ADIPOR2: variants seen among roughly 807,000 people sequenced by gnomAD.
The protein encoded by ADIPOR2 is adiponectin receptor 2.
Under a neutral mutation model 40.9 loss-of-function variants are expected in ADIPOR2, and 18 were observed. The observed-to-expected ratio is 0.44, with a 90% CI of 0.30 to 0.65. The LOEUF is 0.65. Ranked by LOEUF, ADIPOR2 falls within the 30% of genes least tolerant of loss-of-function variation. The pLI, the probability that ADIPOR2 is intolerant of heterozygous loss-of-function variation, is 0.09. For missense variants in ADIPOR2, 283 were observed against 479.2 expected (o/e 0.59, Z 3.82); for synonymous variants, 165 against 166.4 (o/e 0.99, Z 0.06).
intron 1 of ADIPOR2, among the ~76,000 whole-genome samples, chr12:1,693,666 T>A (rs1285652669): frequency 9.9e-5 from 15 of 152,252 alleles, no homozygotes; most frequent in Admixed American, 9.2e-4. Flanking sequence ...CCCTAGTAGC[T>A]GGGATTACAG....
intron 1 of ADIPOR2, among the ~76,000 whole-genome samples, chr12:1,695,165 G>A (rs1015741928): frequency 4.6e-5 from 7 of 151,960 alleles, no homozygotes; most frequent in Non-Finnish European, 8.8e-5. Flanking sequence ...ACAGACATGA[G>A]CCACTGCACT....
intron 1 of ADIPOR2, among the ~76,000 whole-genome samples, chr12:1,693,436 CT>C (rs1197871564): frequency 6.6e-6 from 1 of 150,866 alleles, no homozygotes; most frequent in Non-Finnish European, 1.5e-5. Context: ...CCACTTGGGG[CT>C]TTTTTTCTGT....
chr12:1,696,120 C>T (rs1007320359), intron 1 of ADIPOR2: 1 of 155,810 alleles, frequency 6.4e-6, no homozygotes, highest in Non-Finnish European at 1.5e-5. Flanking sequence ...AAATTACTTG[C>T]TCCTTATCAC....
intron 1 of ADIPOR2, chr12:1,697,502 G>A (rs1017667492): frequency 6.5e-6 from 1 of 153,032 alleles, no homozygotes; most frequent in African/African-American, 2.4e-5. Flanking sequence ...GTAGAGTTCA[G>A]TCATCACATC....
chr12:1,692,314 T>TA (rs1016315788), intron 1 of ADIPOR2, among the ~76,000 whole-genome samples: 40 of 152,256 alleles, frequency 2.6e-4, no homozygotes, highest in Admixed American at 9.2e-4. Flanking sequence ...AGGCCACCCT[T>TA]ATGTCTCCTT....
At chr12:1,730,627 A>G (rs1444984108) in intron 1 of ADIPOR2, 1 of 134,360 alleles carries the variant, frequency 7.4e-6, no homozygotes, top group Non-Finnish European at 1.6e-5. Flanking sequence ...AAAAAAAAAA[A>G]ACAAAAAAAA....
chr12:1,780,455 T>A lies in ADIPOR2; in HGVS notation c.468T>A (p.Cys156Ter). 1.2e-6 allele frequency: 2 copies of A among 1,607,794 alleles called. No homozygotes were observed. The highest frequency in any genetic ancestry group is 1.7e-6 in the Non-Finnish European group (2 of 1,177,920). Residue 156 changes from cysteine to a stop codon, truncating the protein, a stop_gained, in exon 5 of 8, where the codon TGT (cysteine) becomes TGA (stop). Transcript: ENST00000357103. LOFTEE classifies it high-confidence loss of function. ...TTTCTGTGCTCTTTTTCCTAGGTTG[T>A]GTATTCTTCCTGTGCCTGGGGATCT... is the stretch of plus-strand genomic sequence containing the variant. ...TGNIWTHLLG[C>*]VFFLCLGIFY...
Position 1,710,646 on chromosome 12 carries a change from C to T in ADIPOR2, c.-87+19455C>T, listed in dbSNP as rs553614199. 1.1e-3 allele frequency among the ~76,000 whole-genome samples: 171 copies of T among 152,122 alleles called. 2 individuals carry two copies. The highest frequency in any genetic ancestry group is 3.9e-3 in the African/African-American group (162 of 41,418). ...GTTGGGAGCGTTGGTTTGCCTGGAA[C>T]CAGCTTCCTCTTTGCCTGTACTTCT... On this transcript the variant is annotated intron_variant, in intron 1 of 7. Coordinates refer to ENST00000357103, the MANE Select transcript of ADIPOR2 (RefSeq NM_024551.3).
At chr12:1,725,905 C>T (rs116111035) in intron 1 of ADIPOR2, among the ~76,000 whole-genome samples, 1,794 of 152,202 alleles carry the variant, frequency 0.012, 42 homozygotes, top group African/African-American at 0.041. Flanking sequence ...TATTCATTCA[C>T]TCAAGAAATC....
In ADIPOR2 at chr12:1,786,286, GA is replaced by G; in HGVS notation, c.*218del. ...AAAGGATGGAGTGCATCAATTGGGA[GA>G]AAAGGAGACATAGCCCAAACCCTGG... On this transcript the variant is annotated 3_prime_UTR_variant, in exon 8 of 8. Transcript: ENST00000357103. 1.8e-6 allele frequency: 1 copy of G among 546,676 alleles called. No individual in the cohort carries two copies. The highest frequency in any genetic ancestry group is 3.0e-6 in the Non-Finnish European group (1 of 332,926). The allele number at this position is 546,676 out of a possible 1,614,324, so 33.9% of individuals were successfully genotyped here.
chr12:1,770,030 C>T (rs896164524), intron 2 of ADIPOR2, among the ~76,000 whole-genome samples: 9 of 151,936 alleles, frequency 5.9e-5, no homozygotes, highest in Admixed American at 6.6e-5. Flanking sequence ...GGAGTCCTCC[C>T]CCTCAGCCTC....
intron 1 of ADIPOR2, among the ~76,000 whole-genome samples, chr12:1,718,140 A>G (rs1472694330): frequency 2.0e-5 from 3 of 152,214 alleles, no homozygotes; most frequent in African/African-American, 7.2e-5. Flanking sequence ...CTGATGTTGA[A>G]TGATAAAATG....
chr12:1,709,552 T>G (rs2094671825), intron 1 of ADIPOR2, among the ~76,000 whole-genome samples: 1 of 152,196 alleles, frequency 6.6e-6, no homozygotes, highest in Non-Finnish European at 1.5e-5. Context: ...TTGAATGGGT[T>G]TTAAATTTGT....
chr12:1,783,614 G>A (rs752520815), intron 6 of ADIPOR2, among the ~76,000 whole-genome samples: 1 of 151,768 alleles, frequency 6.6e-6, no homozygotes, highest in Non-Finnish European at 1.5e-5. Flanking sequence ...AGCCAGGCTG[G>A]TCCCAAAGTG....
chr12:1,774,661 A>T (rs11614622), intron 3 of ADIPOR2, among the ~76,000 whole-genome samples: 6,872 of 152,290 alleles, frequency 0.045, 265 homozygotes, highest in East Asian at 0.19. Context: ...TACCAGCATA[A>T]CCAGGTCCAT....
At chr12:1,748,330 A>G (rs11061965) in intron 1 of ADIPOR2, among the ~76,000 whole-genome samples, 12,252 of 151,486 alleles carry the variant, frequency 0.081, 843 homozygotes, top group East Asian at 0.35. Context: ...CTCACTGCAA[A>G]CTCCGCCTCC....
intron 1 of ADIPOR2, among the ~76,000 whole-genome samples, chr12:1,748,412 C>T (rs752517262): frequency 2.6e-5 from 4 of 152,020 alleles, no homozygotes; most frequent in Non-Finnish European, 5.9e-5. Flanking sequence ...CCACGCCTGG[C>T]TAATTTTTTA....
chr12:1,779,954 C>T (rs1347426059), intron 4 of ADIPOR2, among the ~76,000 whole-genome samples: 1 of 152,134 alleles, frequency 6.6e-6, no homozygotes, highest in Non-Finnish European at 1.5e-5. Flanking sequence ...CCTGAACCAG[C>T]TGATGAGGGC....
intron 6 of ADIPOR2, 48 bp from the exon 7 acceptor site, chr12:1,783,832 T>A (rs751125870): frequency 1.4e-6 from 2 of 1,460,562 alleles, no homozygotes; most frequent in Admixed American, 4.3e-5. Flanking sequence ...GACTTCTGGC[T>A]CTTTGTTTCT....
Sources: allele counts gnomAD v4.1 joint callset (sites outside exome capture counted in the v4.1 genomes callset), GRCh38; gene constraint gnomAD v4.1.1; transcripts MANE v1.5; gene names NCBI Gene and HGNC (gene_info 2026-07-23, HGNC 2026-07-21).